SHISA6: variants seen among roughly 807,000 people sequenced by gnomAD.
SHISA6 encodes the protein shisa family member 6.
SHISA6 carries 22 observed loss-of-function variants against 47.9 expected under a neutral mutation model. The ratio of observed to expected loss-of-function variants is 0.46; its 90% CI spans 0.33 to 0.66. The LOEUF is 0.66. Ranked by LOEUF, SHISA6 falls within the 30% of genes least tolerant of loss-of-function variation. The pLI is 0.02. For synonymous variants in SHISA6, 388 were observed against 337.8 expected, an observed-to-expected ratio of 1.15 and a Z score of -1.63; for missense variants, 680 against 764.6, an observed-to-expected ratio of 0.89 and a Z score of 1.30.
chr17:11,259,858 G>T (rs574622260), intron 1 of SHISA6, among the ~76,000 whole-genome samples: 3 of 152,334 alleles, frequency 2.0e-5, no homozygotes, highest in East Asian at 3.9e-4. Context: ...GGCAGTCCCA[G>T]TGAACAGAAG....
chr17:11,362,945 A>G (rs904133347), intron 2 of SHISA6, among the ~76,000 whole-genome samples: 13 of 152,168 alleles, frequency 8.5e-5, no homozygotes, highest in African/African-American at 2.7e-4. Flanking sequence ...CTCCTTGTCA[A>G]CTGTTGCACT....
At chr17:11,263,934 C>G (rs1908335932) in intron 2 of SHISA6, among the ~76,000 whole-genome samples, 1 of 152,204 alleles carries the variant, frequency 6.6e-6, no homozygotes, top group South Asian at 2.1e-4. Context: ...CTATTGGGAT[C>G]TCAAAGAGCT....
rs2142394758 is a variant in SHISA6, at chr17:11,559,914, AG to A, written c.*1613del. ...AAGGGGTTCCCTCATTCTCAGGGCC[AG>A]GGCACCCGCTGGGTTGGGGCTGGGG... On this transcript the variant is annotated 3_prime_UTR_variant, in exon 6 of 6. Coordinates refer to ENST00000441885, the MANE Select transcript of SHISA6 (RefSeq NM_207386.4). This position sits in a 1 kb window ranked among gnomAD's most constrained non-coding sequence, Gnocchi z 4.4. 1 of 152,382 alleles carries A rather than the reference AG, an allele frequency of 6.6e-6. No individual in the cohort carries two copies. Among genetic ancestry groups the A allele is most frequent in the East Asian group, 1.9e-4 (1 of 5,166 alleles). 9.4% of individuals were successfully genotyped at this position (152,382 alleles called of 1,614,324 possible).
chr17:11,298,149 T>A (rs1385728468), intron 2 of SHISA6, among the ~76,000 whole-genome samples: 1 of 152,204 alleles, frequency 6.6e-6, no homozygotes, highest in Non-Finnish European at 1.5e-5. Flanking sequence ...CCAAGAAAGT[T>A]AGTTCCTTGA....
intron 3 of SHISA6, among the ~76,000 whole-genome samples, chr17:11,510,628 C>G (rs2071533978): frequency 6.6e-6 from 1 of 152,140 alleles, no homozygotes; most frequent in Non-Finnish European, 1.5e-5. Flanking sequence ...ATGTGGCAGT[C>G]TTTTTTCCTG....
intron 3 of SHISA6, among the ~76,000 whole-genome samples, chr17:11,443,737 T>C (rs1351514943): frequency 2.0e-5 from 3 of 152,264 alleles, no homozygotes; most frequent in East Asian, 1.9e-4. Flanking sequence ...GTAGTAGTAA[T>C]AGTAGTGGTA....
chr17:11,543,866 A>T (rs1276289736), intron 3 of SHISA6, among the ~76,000 whole-genome samples: 1 of 149,522 alleles, frequency 6.7e-6, no homozygotes, highest in Admixed American at 6.7e-5. Context: ...AAAAAAGGTG[A>T]TCTTTTTAAA....
intron 2 of SHISA6, chr17:11,290,506 A>G (rs1296395012): frequency 6.6e-6 from 1 of 151,694 alleles, no homozygotes; most frequent in Non-Finnish European, 1.5e-5. Flanking sequence ...GCCCGCCACC[A>G]CACCTGGCTA....
intron 2 of SHISA6, among the ~76,000 whole-genome samples, chr17:11,303,195 T>C (rs1010828379): frequency 6.6e-6 from 1 of 151,746 alleles, no homozygotes; most frequent in African/African-American, 2.4e-5. Flanking sequence ...GTGTGTGTGC[T>C]TGTGTGGTTT....
chr17:11,262,003 A>G (rs573622732), intron 1 of SHISA6, among the ~76,000 whole-genome samples: 4 of 152,176 alleles, frequency 2.6e-5, no homozygotes, highest in African/African-American at 4.8e-5. Context: ...TTTTGGTTAT[A>G]GCTATCCTAG....
At chr17:11,451,446 G>T (rs1419358397) in intron 3 of SHISA6, among the ~76,000 whole-genome samples, 2 of 152,186 alleles carry the variant, frequency 1.3e-5, no homozygotes, top group South Asian at 2.1e-4. Context: ...TCTCAAGGGG[G>T]TTACATTTAG....
At chr17:11,536,823 C>T (rs1185523639) in intron 3 of SHISA6, among the ~76,000 whole-genome samples, 2 of 152,076 alleles carry the variant, frequency 1.3e-5, no homozygotes, top group African/African-American at 4.8e-5. Flanking sequence ...CAGGATATTC[C>T]TGAGTTTTCC....
In SHISA6 at chr17:11,463,063, C is replaced by T. The variant is rs138863664; in HGVS notation, c.895+83554C>T. Among the ~76,000 whole-genome samples the T allele has an allele frequency of 4.3e-3, 658 of 152,316 alleles. 9 individuals are homozygous for T. The highest frequency in any genetic ancestry group is 0.014 in the African/African-American group (601 of 41,572). On this transcript the variant is annotated intron_variant, in intron 3 of 5. Transcript: ENST00000441885. The stretch of plus-strand genomic sequence containing the variant: ...TTATGAAAAACCTAGATGCAGAGCA[C>T]AGTGTTATTCACATTTTCAAAGGAT...
chr17:11,462,663 C>T (rs552069779), intron 3 of SHISA6, among the ~76,000 whole-genome samples: 225 of 152,058 alleles, frequency 1.5e-3, no homozygotes, highest in Non-Finnish European at 2.4e-3. Flanking sequence ...CTCTGTTGCC[C>T]AGGCTGGAGT....
At chr17:11,313,056 A>G (rs1247588911) in intron 2 of SHISA6, among the ~76,000 whole-genome samples, 2 of 152,214 alleles carry the variant, frequency 1.3e-5, no homozygotes, top group Non-Finnish European at 2.9e-5. Flanking sequence ...CCTCTAAAAA[A>G]TATTCTTAAA....
At position 11,241,725 on chromosome 17, in the gene SHISA6, C is replaced by A; in HGVS notation, c.303C>A (p.Ser101Arg). The A allele has an allele frequency of 6.5e-7, 1 of 1,541,662 alleles. No homozygotes were observed. Among genetic ancestry groups the A allele is most frequent in the Non-Finnish European group, 8.7e-7 (1 of 1,146,786 alleles). Reference protein sequence around the residue: ...YETCWGYYDVSGQYDKEFECN... With the variant: ...YETCWGYYDVRGQYDKEFECN... ...CGTGCTGGGGCTACTACGACGTGAG[C>A]GGCCAGTACGACAAGGAGTTCGAGT... is the stretch of plus-strand genomic sequence containing the variant. The change falls in exon 1 of 6, where the codon AGC (serine) becomes AGA (arginine). Residue 101 changes from serine to arginine, a missense_variant. Transcript: ENST00000441885. This position sits in a 1 kb window ranked among gnomAD's most constrained non-coding sequence, Gnocchi z 5.5.
rs1907310948 is a variant in SHISA6, at chr17:11,241,283, C to G, written c.-140C>G. The stretch of plus-strand genomic sequence containing the variant: ...GCCGCCGCCGCCACTGCCGCCCGCG[C>G]CTCGATGGCGCCATCGCCCCGGAGC... On this transcript the variant is annotated 5_prime_UTR_variant, in exon 1 of 6. Coordinates refer to ENST00000441885, the MANE Select transcript of SHISA6 (RefSeq NM_207386.4). This position sits in a 1 kb window ranked among gnomAD's most constrained non-coding sequence, Gnocchi z 5.5. 1 of 390,422 alleles carries G rather than the reference C, an allele frequency of 2.6e-6. No homozygotes were observed. The highest frequency in any genetic ancestry group is 9.7e-5 in the South Asian group (1 of 10,284). The allele number at this position is 390,422 out of a possible 1,614,324, so 24.2% of individuals were successfully genotyped here.
intron 3 of SHISA6, among the ~76,000 whole-genome samples, chr17:11,429,800 A>G (rs745876225): frequency 1.8e-4 from 27 of 147,390 alleles, no homozygotes; most frequent in Non-Finnish European, 3.1e-4. Flanking sequence ...TCAAAAATAA[A>G]TAAATAAATA....
chr17:11,349,622 G>T (rs991287695), intron 2 of SHISA6, among the ~76,000 whole-genome samples: 1 of 152,162 alleles, frequency 6.6e-6, no homozygotes, highest in Non-Finnish European at 1.5e-5. Flanking sequence ...GATGGGGGAC[G>T]CGTGAATGTG....
Sources: allele counts gnomAD v4.1 joint callset (sites outside exome capture counted in the v4.1 genomes callset), GRCh38; gene constraint gnomAD v4.1.1; non-coding constraint Gnocchi (gnomAD v3.1); transcripts MANE v1.5; gene names NCBI Gene and HGNC (gene_info 2026-07-23, HGNC 2026-07-21).